The following FNDC3B variants were observed in gnomAD, a reference collection of about 807,000 sequenced individuals.
FNDC3B encodes the protein fibronectin type III domain containing 3B, also known as fibronectin type III domain-containing protein 3B.
In FNDC3B, 12 loss-of-function variants were observed where a neutral mutation model predicts 151.5. The ratio of observed to expected loss-of-function variants is 0.08; its 90% confidence interval spans 0.05 to 0.13. FNDC3B has a LOEUF of 0.13. FNDC3B is among the 10% of genes least tolerant of loss of function. The pLI is 1.00. For synonymous variants in FNDC3B, 528 were observed against 549.0 expected, an observed-to-expected ratio of 0.96 and a Z score of 0.54; for missense variants, 1,214 against 1,505.3, an observed-to-expected ratio of 0.81 and a Z score of 3.20.
At chr3:172,151,001 A>T (rs963729079) in intron 3 of FNDC3B, among the ~76,000 whole-genome samples, 1 of 152,178 alleles carries the variant, frequency 6.6e-6, no homozygotes, top group Non-Finnish European at 1.5e-5. Flanking sequence ...AAAAATTGAG[A>T]TAGCTTTCTA....
intron 6 of FNDC3B, among the ~76,000 whole-genome samples, chr3:172,262,541 T>C (rs539333382): frequency 9.8e-5 from 15 of 152,326 alleles, no homozygotes; most frequent in Admixed American, 3.3e-4. Context: ...CTTGAAGTTG[T>C]TAAAATGATA....
rs765814282 is a variant in FNDC3B, at chr3:172,397,145, G to A, written c.3304-19G>A. 3.2e-6 allele frequency: 5 copies of A among 1,573,310 alleles called. No individual in the cohort carries two copies. In the South Asian group the frequency reaches 5.8e-5, roughly 18 times the overall value. On this transcript the variant is annotated intron_variant, in intron 25 of 25. Coordinates refer to ENST00000415807, the MANE Select transcript of FNDC3B (RefSeq NM_022763.4). The stretch of plus-strand genomic sequence containing the variant: ...GTGTTGCTATAAATTAATTAACTAG[G>A]ACTCTTCTTTTCCTGAAGGTGTACA...
intron 11 of FNDC3B, among the ~76,000 whole-genome samples, chr3:172,327,122 A>T (rs773539138): frequency 1.3e-5 from 2 of 152,198 alleles, no homozygotes; most frequent in Non-Finnish European, 2.9e-5. Context: ...CAACCTCAAC[A>T]CTCAAGGTTG....
At chr3:172,204,131 A>T (rs1178880469) in intron 3 of FNDC3B, among the ~76,000 whole-genome samples, 14 of 152,228 alleles carry the variant, frequency 9.2e-5, no homozygotes, top group Admixed American at 9.2e-4. Context: ...GCACTCCATC[A>T]TGCCTTGAAT....
chr3:172,344,245 T>G lies in FNDC3B; in HGVS notation c.2237T>G (p.Leu746Arg). Residue 746 changes from leucine to arginine, a missense_variant, in exon 19 of 26, where the codon CTG becomes CGG. By Grantham distance (102) the Leu-to-Arg change is moderately radical. This residue lies in a region of FNDC3B where 380 missense variants were observed against 420.9 expected (regional missense o/e 0.90). Coordinates refer to ENST00000415807, the MANE Select transcript of FNDC3B (RefSeq NM_022763.4). ...GTGTATCGCTTCCGGGTGAGGGCTC[T>G]GAATGATGGAGGGGTGAGTATAAGC... ...GTVYRFRVRA[L>R]NDGGYGPYSD... 1 of 1,613,834 alleles carries G rather than the reference T, an allele frequency of 6.2e-7. No individual in the cohort carries two copies. Among genetic ancestry groups the G allele is most frequent in the African/African-American group, 1.3e-5 (1 of 75,034 alleles).
chr3:172,076,274 C>T (rs1718005050), intron 1 of FNDC3B, among the ~76,000 whole-genome samples: 1 of 152,130 alleles, frequency 6.6e-6, no homozygotes, highest in Non-Finnish European at 1.5e-5. Context: ...GTGTACTGAG[C>T]ACTACTATGT....
chr3:172,240,658 G>A (rs909909637), intron 4 of FNDC3B, among the ~76,000 whole-genome samples: 6 of 152,114 alleles, frequency 3.9e-5, no homozygotes, highest in African/African-American at 1.4e-4. Flanking sequence ...ATCATGCTGT[G>A]CCTTGGTTTT....
At chr3:172,095,994 T>C (rs907831473) in intron 1 of FNDC3B, among the ~76,000 whole-genome samples, 7 of 152,240 alleles carry the variant, frequency 4.6e-5, no homozygotes, top group Non-Finnish European at 1.0e-4. Context: ...AAGTTTTCAC[T>C]GTTTCATACT....
intron 23 of FNDC3B, among the ~76,000 whole-genome samples, chr3:172,363,718 A>G (rs933438379): frequency 3.9e-5 from 6 of 152,238 alleles, no homozygotes; most frequent in African/African-American, 1.2e-4. Flanking sequence ...TTCTAGTTAC[A>G]CGGAAAACCC....
intron 4 of FNDC3B, among the ~76,000 whole-genome samples, chr3:172,227,548 C>G (rs527870851): frequency 2.0e-5 from 3 of 152,142 alleles, no homozygotes; most frequent in African/African-American, 7.2e-5. Context: ...TGTTCCTGTA[C>G]GTGAATAAAG....
chr3:172,302,737 A>C (rs183696487), intron 9 of FNDC3B: 1 of 152,188 alleles, frequency 6.6e-6, no homozygotes, highest in South Asian at 2.1e-4. Flanking sequence ...TGTTCATACA[A>C]TATTTCAAAG....
chr3:172,065,205 AC>A (rs1210894055), intron 1 of FNDC3B, among the ~76,000 whole-genome samples: 2 of 152,112 alleles, frequency 1.3e-5, no homozygotes, highest in East Asian at 3.9e-4. Flanking sequence ...GGTGGCATGC[AC>A]CTGTAGTCCC....
intron 1 of FNDC3B, among the ~76,000 whole-genome samples, chr3:172,050,230 G>C (rs1716573960): frequency 6.6e-6 from 1 of 152,084 alleles, no homozygotes. Context: ...AATTCTAATG[G>C]AAAGATTTAA....
chr3:172,290,770 A>G (rs1730287115), intron 7 of FNDC3B, among the ~76,000 whole-genome samples: 1 of 152,054 alleles, frequency 6.6e-6, no homozygotes, highest in South Asian at 2.1e-4. Flanking sequence ...AAAACAGATG[A>G]CTGTGAAATT....
At chr3:172,388,530 G>A (rs1463470855) in intron 25 of FNDC3B, among the ~76,000 whole-genome samples, 1 of 152,112 alleles carries the variant, frequency 6.6e-6, no homozygotes, top group Non-Finnish European at 1.5e-5. Context: ...AGCCCATAAG[G>A]GTGCCTTTGT....
intron 1 of FNDC3B, among the ~76,000 whole-genome samples, chr3:172,056,185 G>A (rs1170026452): frequency 6.6e-6 from 1 of 151,968 alleles, no homozygotes; most frequent in Non-Finnish European, 1.5e-5. Flanking sequence ...GATGTCAGAC[G>A]TCCTGCTTGG....
rs377308581 is a variant in FNDC3B, at chr3:172,332,163, T to A, written c.1555-926T>A. ...TTTTGTATTTTTAGTAGAGACGGGG[T>A]TTCTCCATGTTGGTCAGGCTGGTCT... On this transcript the variant is annotated intron_variant, in intron 13 of 25. Coordinates refer to ENST00000415807, the MANE Select transcript of FNDC3B (RefSeq NM_022763.4). Among the ~76,000 whole-genome samples the A allele has an allele frequency of 3.8e-4, 58 of 151,956 alleles. 2 individuals are homozygous for A. The East Asian group carries it at 6.2e-3, about 16-fold the overall frequency.
intron 1 of FNDC3B, among the ~76,000 whole-genome samples, chr3:172,109,454 C>T (rs999842230): frequency 4.6e-5 from 7 of 152,238 alleles, no homozygotes; most frequent in South Asian, 4.2e-4. Context: ...GCGTGAGCCC[C>T]GCGCCCGGCC....
In FNDC3B at chr3:172,372,541, T is replaced by G. The variant is rs1032416240; in HGVS notation, c.3009-5729T>G. Among the ~76,000 whole-genome samples, 32 of 152,214 alleles carry G rather than the reference T, an allele frequency of 2.1e-4. 1 individual carries two copies. The highest frequency in any genetic ancestry group is 7.5e-4 in the African/African-American group (31 of 41,456). On this transcript the variant is annotated intron_variant, in intron 23 of 25. Transcript: ENST00000415807. ...AAAATAACAAAGTGAGCATTTTATT[T>G]GTATTCCTTGGCCACCAAATTAGAT...
Sources: allele counts gnomAD v4.1 joint callset (sites outside exome capture counted in the v4.1 genomes callset), GRCh38; gene constraint gnomAD v4.1.1; regional missense constraint gnomAD v4.1.1; transcripts MANE v1.5; gene names NCBI Gene and HGNC (gene_info 2026-07-23, HGNC 2026-07-21).